The following LRBA variants were observed in gnomAD, a reference collection of about 807,000 sequenced individuals.
The protein encoded by LRBA is LPS responsive beige-like anchor protein, also known as lipopolysaccharide-responsive and beige-like anchor protein.
In LRBA, 176 loss-of-function variants were observed where a neutral mutation model predicts 330.0. The observed-to-expected ratio is 0.53, with a 90% CI of 0.47 to 0.60. The LOEUF is 0.60. LRBA is among the 20% of genes least tolerant of loss of function. The pLI, the probability that LRBA is intolerant of heterozygous loss-of-function variation, is 0.00. For missense variants in LRBA, 3,259 were observed against 3,444.8 expected, an observed-to-expected ratio of 0.95 and a Z score of 1.35; for synonymous variants, 1,230 against 1,193.0, an observed-to-expected ratio of 1.03 and a Z score of -0.64.
chr4:150,984,214 G>T (rs1182094977), intron 2 of LRBA, among the ~76,000 whole-genome samples: 1 of 152,158 alleles, frequency 6.6e-6, no homozygotes, highest in Non-Finnish European at 1.5e-5. Flanking sequence ...AAATTTTTGC[G>T]ATCTACAGAA....
intron 37 of LRBA, among the ~76,000 whole-genome samples, chr4:150,636,889 T>A (rs1214244372): frequency 2.6e-5 from 4 of 152,112 alleles, no homozygotes; most frequent in African/African-American, 9.7e-5. Context: ...ATTCAAGCAA[T>A]CCTCCACCTC....
At chr4:150,542,082 A>C (rs1765373885) in intron 40 of LRBA, among the ~76,000 whole-genome samples, 2 of 152,242 alleles carry the variant, frequency 1.3e-5, no homozygotes, top group South Asian at 4.1e-4. Context: ...ATTGCATTTT[A>C]GAATAGTATT....
chr4:150,911,549 T>C (rs1299123291), intron 9 of LRBA, among the ~76,000 whole-genome samples: 1 of 152,202 alleles, frequency 6.6e-6, no homozygotes, highest in African/African-American at 2.4e-5. Flanking sequence ...AAATCGTAAT[T>C]TGACATTGTG....
intron 40 of LRBA, among the ~76,000 whole-genome samples, chr4:150,509,576 AAAAAG>A (rs1379313147): frequency 2.6e-5 from 4 of 152,184 alleles, no homozygotes; most frequent in Middle Eastern, 6.8e-3. Context: ...ACCAAAAAAA[AAAAAG>A]AGAGAAATAT....
At chr4:150,823,285 AT>A (rs1428717117) in intron 30 of LRBA, among the ~76,000 whole-genome samples, 1 of 152,136 alleles carries the variant, frequency 6.6e-6, no homozygotes, top group Non-Finnish European at 1.5e-5. Flanking sequence ...ATGTAGTAAT[AT>A]TTTTAAATTA....
chr4:151,014,157 C>T lies in LRBA; in HGVS notation c.216+270G>A, dbSNP rs151068010. The T allele has an allele frequency of 2.4e-3, 756 of 316,472 alleles. 4 individuals carry two copies. The highest frequency in any genetic ancestry group is 0.013 in the African/African-American group (638 of 47,352). The allele number at this position is 316,472 out of a possible 1,614,324, so 19.6% of individuals were successfully genotyped here. ...ATTAGAGATAACTCCTCCGCTAGAA[C>T]CTCCCCCCAATACTTCCATAGCAAC... On this transcript the variant is annotated intron_variant, in intron 2 of 56. Coordinates refer to ENST00000651943, the MANE Select transcript of LRBA (RefSeq NM_001364905.1).
At chr4:150,351,084 G>A (rs1737085194) in intron 47 of LRBA, among the ~76,000 whole-genome samples, 1 of 152,074 alleles carries the variant, frequency 6.6e-6, no homozygotes, top group Admixed American at 6.5e-5. Context: ...AATAACGAAT[G>A]AACACAATCA....
At chr4:150,806,948 A>C (rs896333850) in intron 32 of LRBA, among the ~76,000 whole-genome samples, 6 of 151,958 alleles carry the variant, frequency 3.9e-5, no homozygotes, top group Non-Finnish European at 2.9e-5. Context: ...TTATAGGCAC[A>C]TTATAACAAA....
chr4:150,807,035 T>C (rs903814183), intron 32 of LRBA, among the ~76,000 whole-genome samples: 3 of 150,458 alleles, frequency 2.0e-5, no homozygotes, highest in Non-Finnish European at 4.4e-5. Context: ...TATAAAAATA[T>C]ATTAATATAT....
chr4:150,587,590 G>A (rs1187030219), intron 40 of LRBA, among the ~76,000 whole-genome samples: 1 of 152,162 alleles, frequency 6.6e-6, no homozygotes, highest in Non-Finnish European at 1.5e-5. Context: ...GGGAAACAGA[G>A]GTATCTCACA....
At chr4:150,300,614 T>C (rs1479675807) in intron 53 of LRBA, among the ~76,000 whole-genome samples, 3 of 152,052 alleles carry the variant, frequency 2.0e-5, no homozygotes, top group Non-Finnish European at 4.4e-5. Context: ...TTAGATTTTT[T>C]TTTTACTACA....
At chr4:150,536,857 C>G (rs960821864) in intron 40 of LRBA, among the ~76,000 whole-genome samples, 2 of 152,146 alleles carry the variant, frequency 1.3e-5, no homozygotes, top group Non-Finnish European at 2.9e-5. Flanking sequence ...GAACAACATT[C>G]CGTTCTCATG....
chr4:150,568,269 T>C (rs973859296), intron 40 of LRBA, among the ~76,000 whole-genome samples: 2 of 152,154 alleles, frequency 1.3e-5, no homozygotes, highest in African/African-American at 4.8e-5. Context: ...AGACTTCAGA[T>C]TGGGGGCCAA....
chr4:150,856,097 A>G (rs1479905880), intron 22 of LRBA, among the ~76,000 whole-genome samples: 3 of 152,182 alleles, frequency 2.0e-5, no homozygotes, highest in Admixed American at 6.5e-5. Flanking sequence ...TAAGCTCACC[A>G]TGGTGAACCT....
intron 30 of LRBA, among the ~76,000 whole-genome samples, chr4:150,818,698 T>G (rs141736814): frequency 7.2e-5 from 11 of 152,118 alleles, no homozygotes; most frequent in Admixed American, 2.6e-4. Flanking sequence ...CTTCTACCAA[T>G]GTTTTTGCAG....
intron 31 of LRBA, among the ~76,000 whole-genome samples, chr4:150,814,298 G>A (rs1213910497): frequency 1.3e-5 from 2 of 151,994 alleles, no homozygotes; most frequent in African/African-American, 4.8e-5. Flanking sequence ...TTGGGAGGTT[G>A]GGGTAGTTTC....
chr4:150,868,333 A>G (rs1752996222), intron 20 of LRBA, 28 bp from the exon 21 acceptor site: 3 of 1,520,774 alleles, frequency 2.0e-6, no homozygotes, highest in Non-Finnish European at 2.7e-6. Context: ...AATAAGTAAA[A>G]ACCAAACTCA....
intron 47 of LRBA, among the ~76,000 whole-genome samples, chr4:150,389,353 CTAAATAAATAAA>C (rs555482145): frequency 1.3e-5 from 2 of 150,174 alleles, no homozygotes; most frequent in African/African-American, 5.0e-5. Flanking sequence ...GACTCAGTCT[CTAAATAAATAAA>C]TAAATAAATA....
intron 44 of LRBA, among the ~76,000 whole-genome samples, chr4:150,452,398 C>T (rs538681584): frequency 4.5e-4 from 68 of 152,134 alleles, no homozygotes; most frequent in African/African-American, 1.5e-3. Flanking sequence ...CCGAGGCAGG[C>T]GGATCACAAG....
Sources: allele counts gnomAD v4.1 joint callset (sites outside exome capture counted in the v4.1 genomes callset), GRCh38; gene constraint gnomAD v4.1.1; transcripts MANE v1.5; gene names NCBI Gene and HGNC (gene_info 2026-07-23, HGNC 2026-07-21).